Variants in NFIB observed in about 807,000 individuals in gnomAD.
NFIB encodes nuclear factor I B.
NFIB carries 11 observed loss-of-function variants against 61.5 expected under a neutral mutation model. The ratio of observed to expected loss-of-function variants is 0.18; its 90% CI spans 0.11 to 0.30. The LOEUF (loss-of-function observed/expected upper bound fraction) is 0.30, where lower values mean the gene tolerates loss of function less well. NFIB is among the 10% of genes least tolerant of loss of function. The probability of loss-of-function intolerance (pLI) is 1.00; values close to 1 mark genes in which losing one functional copy is unlikely to be tolerated. For missense variants in NFIB, 471 were observed against 608.9 expected (o/e 0.77, Z 2.38); for synonymous variants, 260 against 216.5 (o/e 1.20, Z -1.76).
intron 4 of NFIB, among the ~76,000 whole-genome samples, chr9:14,153,389 G>A (rs866384563): frequency 6.6e-6 from 1 of 152,078 alleles, no homozygotes; most frequent in Non-Finnish European, 1.5e-5. Flanking sequence ...GCCTCTGGAA[G>A]AACTTACATC....
At chr9:14,167,988 C>T (rs1262274658) in intron 3 of NFIB, among the ~76,000 whole-genome samples, 1 of 152,150 alleles carries the variant, frequency 6.6e-6, no homozygotes, top group Non-Finnish European at 1.5e-5. Flanking sequence ...CAGTCAGATA[C>T]CTCTCTACAA....
chr9:14,163,760 C>T (rs1252604726), intron 3 of NFIB, among the ~76,000 whole-genome samples: 2 of 151,896 alleles, frequency 1.3e-5, no homozygotes, highest in Non-Finnish European at 2.9e-5. Context: ...TTATATTTTA[C>T]TGATATGTTC....
chr9:14,303,531 T>G (rs184868752), intron 2 of NFIB, among the ~76,000 whole-genome samples: 8 of 152,328 alleles, frequency 5.3e-5, no homozygotes, highest in Non-Finnish European at 1.0e-4. Flanking sequence ...CTGTCCCAGT[T>G]TTTTTAGACA....
chr9:14,125,822 C>A, intron 6 of NFIB, 56 bp from the exon 7 acceptor site: 3 of 1,583,116 alleles, frequency 1.9e-6, no homozygotes, highest in Non-Finnish European at 2.6e-6. Flanking sequence ...CTCTAAGGTT[C>A]ATGTCAACAA....
At chr9:14,386,868 G>T (rs1194305523) in intron 1 of NFIB, among the ~76,000 whole-genome samples, 2 of 152,164 alleles carry the variant, frequency 1.3e-5, no homozygotes. Flanking sequence ...CCATAGCAAA[G>T]GAGGGTTCCA....
At chr9:14,118,739 G>A (rs907638708) in intron 8 of NFIB, among the ~76,000 whole-genome samples, 1 of 150,784 alleles carries the variant, frequency 6.6e-6, no homozygotes, top group Non-Finnish European at 1.5e-5. Context: ...AAAATCCTGA[G>A]AGTTTTTTTG....
At chr9:14,155,920 G>A in intron 3 of NFIB, 27 bp from the exon 4 acceptor site, 9 of 1,362,138 alleles carry the variant, frequency 6.6e-6, no homozygotes, top group Non-Finnish European at 9.3e-6. Context: ...AAGGAAAAAT[G>A]ATCAATATAA....
rs544801242 is a variant in NFIB, at chr9:14,201,685, A to G, written c.563-21905T>C. Among the ~76,000 whole-genome samples the G allele has an allele frequency of 1.6e-4, 25 of 152,238 alleles. 1 individual carries two copies. The South Asian group carries it at 2.5e-3, about 15-fold the overall frequency. ...ATTGTGACCTCCTGTATCCCAACTT[A>G]CCCTGAATAATTTTGGGAATCTATT... On this transcript the variant is annotated intron_variant, in intron 2 of 10. Coordinates refer to ENST00000380953, the MANE Select transcript of NFIB (RefSeq NM_001190737.2).
At chr9:14,489,649 AT>A in the NFIB span, among the ~76,000 whole-genome samples, 2 of 152,140 alleles carry the variant, frequency 1.3e-5, no homozygotes, top group Non-Finnish European at 2.9e-5. Context: ...CGCTATTCAA[AT>A]TTTTTGTGTA....
chr9:14,173,212 C>G (rs767185369), intron 3 of NFIB, among the ~76,000 whole-genome samples: 10 of 152,154 alleles, frequency 6.6e-5, no homozygotes, highest in Non-Finnish European at 1.5e-4. Context: ...CTGGCATGAA[C>G]ATAATTGACT....
intron 1 of NFIB, among the ~76,000 whole-genome samples, chr9:14,364,715 C>T (rs1341230700): frequency 6.6e-6 from 1 of 152,132 alleles, no homozygotes; most frequent in African/African-American, 2.4e-5. Context: ...CAAGGTTTGC[C>T]AATATCCAGT....
intron 2 of NFIB, among the ~76,000 whole-genome samples, chr9:14,224,792 G>A (rs1265782214): frequency 3.3e-5 from 5 of 152,206 alleles, no homozygotes; most frequent in Non-Finnish European, 7.3e-5. Flanking sequence ...ACCATGGAAC[G>A]ACTGTATTTT....
intron 2 of NFIB, among the ~76,000 whole-genome samples, chr9:14,214,998 G>C (rs564215680): frequency 6.6e-6 from 1 of 152,300 alleles, no homozygotes; most frequent in African/African-American, 2.4e-5. Flanking sequence ...ACGGCCAAAG[G>C]AGAAACAAGG....
intron 6 of NFIB, among the ~76,000 whole-genome samples, chr9:14,136,649 A>T (rs1429424695): frequency 6.6e-6 from 1 of 152,176 alleles, no homozygotes; most frequent in Admixed American, 6.5e-5. Flanking sequence ...AGTTGATTTA[A>T]CTGATGTGTT....
chr9:14,297,616 G>C (rs979119790), intron 2 of NFIB, among the ~76,000 whole-genome samples: 2 of 152,162 alleles, frequency 1.3e-5, no homozygotes, highest in African/African-American at 4.8e-5. Context: ...TTTTTCCCAG[G>C]TTCTAGCGCC....
At chr9:14,344,952 T>C (rs546865478) in intron 1 of NFIB, among the ~76,000 whole-genome samples, 1 of 152,246 alleles carries the variant, frequency 6.6e-6, no homozygotes, top group South Asian at 2.1e-4. Flanking sequence ...GGTTGGGGCA[T>C]TCTTCCCACA....
intron 1 of NFIB, among the ~76,000 whole-genome samples, chr9:14,364,627 T>C (rs564141000): frequency 6.6e-6 from 1 of 152,328 alleles, no homozygotes; most frequent in East Asian, 1.9e-4. Flanking sequence ...CCTACATTTA[T>C]TGGATCAAAA....
At chr9:14,331,269 A>G (rs912627527) in intron 1 of NFIB, among the ~76,000 whole-genome samples, 1 of 152,196 alleles carries the variant, frequency 6.6e-6, no homozygotes, top group East Asian at 1.9e-4. Context: ...AGCATTCATG[A>G]TCCAGGTCAT....
At chr9:14,099,797 G>A (rs2035440774) in intron 10 of NFIB, among the ~76,000 whole-genome samples, 1 of 152,194 alleles carries the variant, frequency 6.6e-6, no homozygotes, top group African/African-American at 2.4e-5. Context: ...TACTGGCTGG[G>A]CATGGTGGCT....
Sources: gnomAD v4.1 joint callset for allele counts (sites outside exome capture counted in the v4.1 genomes callset) on GRCh38, gnomAD v4.1.1 for gene constraint, MANE v1.5 for transcripts, NCBI Gene and HGNC (gene_info 2026-07-23, HGNC 2026-07-21) for gene names.